Variants in PEBP4 observed in about 807,000 individuals in gnomAD.
PEBP4 encodes the protein phosphatidylethanolamine binding protein 4, also known as phosphatidylethanolamine-binding protein 4.
In PEBP4, 22 loss-of-function variants were observed where a neutral mutation model predicts 23.9. That is an observed-to-expected ratio of 0.92 (90% CI 0.66 to 1.31). PEBP4 has a LOEUF of 1.31. PEBP4 is among the 40% of genes most tolerant of loss of function. The probability of loss-of-function intolerance (pLI) is 0.00; values close to 1 mark genes in which losing one functional copy is unlikely to be tolerated. For synonymous variants in PEBP4, 112 were observed against 99.3 expected, an observed-to-expected ratio of 1.13 and a Z score of -0.76; for missense variants, 324 against 281.7, an observed-to-expected ratio of 1.15 and a Z score of -1.07.
chr8:22,840,801 T>C (rs1348405165), intron 3 of PEBP4, among the ~76,000 whole-genome samples: 1 of 152,206 alleles, frequency 6.6e-6, no homozygotes, highest in Non-Finnish European at 1.5e-5. Context: ...TGGCTCTTAG[T>C]GTCCTCTGCT....
chr8:22,888,761 C>T (rs1490199548), intron 3 of PEBP4, among the ~76,000 whole-genome samples: 2 of 152,218 alleles, frequency 1.3e-5, no homozygotes, highest in Non-Finnish European at 2.9e-5. Flanking sequence ...CCACCAGGCC[C>T]TTGTGCCCAG....
chr8:22,803,293 G>A (rs976053770), intron 4 of PEBP4, among the ~76,000 whole-genome samples: 1 of 152,110 alleles, frequency 6.6e-6, no homozygotes, highest in South Asian at 2.1e-4. Flanking sequence ...CAAATATCAC[G>A]TTCGTATCCC....
chr8:22,822,466 G>A (rs925831149), intron 3 of PEBP4, among the ~76,000 whole-genome samples: 5 of 151,940 alleles, frequency 3.3e-5, no homozygotes, highest in Non-Finnish European at 7.4e-5. Flanking sequence ...AAGAAACAAA[G>A]TGTAAACATG....
intron 4 of PEBP4, among the ~76,000 whole-genome samples, chr8:22,728,542 T>A (rs1204420674): frequency 9.3e-6 from 1 of 107,590 alleles, no homozygotes; most frequent in Non-Finnish European, 2.1e-5. Context: ...CTTTCTTCCT[T>A]CCTTTCTTTC....
At chr8:22,767,794 G>A (rs913993150) in intron 4 of PEBP4, among the ~76,000 whole-genome samples, 6 of 152,040 alleles carry the variant, frequency 3.9e-5, no homozygotes, top group African/African-American at 1.5e-4. Context: ...TGGCTCTGTT[G>A]CCCACGCTGG....
intron 3 of PEBP4, among the ~76,000 whole-genome samples, chr8:22,881,700 A>T (rs2128772460): frequency 6.6e-6 from 1 of 152,254 alleles, no homozygotes; most frequent in Non-Finnish European, 1.5e-5. Context: ...TGCTGCCTGG[A>T]TCACACTCAA....
chr8:22,719,160 T>C (rs939987489), intron 6 of PEBP4, among the ~76,000 whole-genome samples: 1 of 152,218 alleles, frequency 6.6e-6, no homozygotes, highest in Admixed American at 6.5e-5. Context: ...TATGGCTGCC[T>C]GGCCCAGGAC....
chr8:22,917,884 CT>C (rs1349773538), intron 3 of PEBP4, among the ~76,000 whole-genome samples: 3 of 152,160 alleles, frequency 2.0e-5, no homozygotes, highest in Non-Finnish European at 4.4e-5. Context: ...TTGGGGCCAT[CT>C]TTGTCACAAG....
chr8:22,909,166 C>T (rs1477509708), intron 3 of PEBP4, among the ~76,000 whole-genome samples: 2 of 152,162 alleles, frequency 1.3e-5, no homozygotes, highest in African/African-American at 4.8e-5. Context: ...ACCTATCTCC[C>T]CCTGGTGTCG....
chr8:22,924,692 G>C (rs913429155), intron 2 of PEBP4: 2 of 985,240 alleles, frequency 2.0e-6, no homozygotes, highest in African/African-American at 1.7e-5. Flanking sequence ...AGCTTGCAGG[G>C]CTGACTGGAT....
At chr8:22,766,863 C>T (rs575486816) in intron 4 of PEBP4, among the ~76,000 whole-genome samples, 6 of 152,184 alleles carry the variant, frequency 3.9e-5, no homozygotes, top group Non-Finnish European at 8.8e-5. Context: ...TGGAGGAAGC[C>T]GACTAAGCTG....
rs1202561470 is a variant in PEBP4 at position 22,865,856 on chromosome 8, G to T, written c.259-48121C>A. Among the ~76,000 whole-genome samples the T allele has an allele frequency of 3.9e-5, 6 of 152,276 alleles. No homozygotes were observed. ...GCTCGAACTCCCGACAAGACTGAGC[G>T]CAGGGCCCACCCCGGCTGTCCCAGC... On this transcript the variant is annotated intron_variant, in intron 3 of 6. Transcript: ENST00000256404. The surrounding 1 kb of genome is among the most constrained non-coding windows in gnomAD (Gnocchi z 6.9).
At chr8:22,875,080 C>A (rs1428194239) in intron 3 of PEBP4, among the ~76,000 whole-genome samples, 2 of 151,958 alleles carry the variant, frequency 1.3e-5, no homozygotes, top group Non-Finnish European at 2.9e-5. Flanking sequence ...CCTGACCATC[C>A]TTTTCCTTCG....
chr8:22,883,703 A>G (rs931719406), intron 3 of PEBP4, among the ~76,000 whole-genome samples: 3 of 152,154 alleles, frequency 2.0e-5, no homozygotes, highest in Non-Finnish European at 4.4e-5. Flanking sequence ...TTATAGGCTG[A>G]GTTGCTGCTC....
At chr8:22,924,825 G>T in intron 2 of PEBP4, 1 of 985,364 alleles carries the variant, frequency 1.0e-6, no homozygotes, top group Non-Finnish European at 1.2e-6. Flanking sequence ...TGCTGGTCTT[G>T]TCTGGGGTAT....
intron 4 of PEBP4, among the ~76,000 whole-genome samples, chr8:22,732,813 T>C (rs891216911): frequency 2.0e-5 from 3 of 152,148 alleles, no homozygotes; most frequent in Non-Finnish European, 2.9e-5. Flanking sequence ...TGGAGGTGCT[T>C]CTGGGTTCCT....
intron 4 of PEBP4, among the ~76,000 whole-genome samples, chr8:22,744,027 G>A (rs1389410712): frequency 3.3e-5 from 5 of 152,208 alleles, no homozygotes; most frequent in Non-Finnish European, 7.4e-5. Context: ...GACCTGCTGT[G>A]CAGGGAGTAT....
intron 4 of PEBP4, among the ~76,000 whole-genome samples, chr8:22,798,856 G>T (rs1806324613): frequency 6.8e-6 from 1 of 146,216 alleles, no homozygotes; most frequent in Non-Finnish European, 1.5e-5. Context: ...TCCTGCCTCA[G>T]CCTTCCATGT....
At chr8:22,796,965 A>C (rs555736473) in intron 4 of PEBP4, among the ~76,000 whole-genome samples, 8 of 152,106 alleles carry the variant, frequency 5.3e-5, no homozygotes, top group East Asian at 1.9e-4. Flanking sequence ...AAAAAAAAAA[A>C]AACAAATTGG....
Sources: gnomAD v4.1 joint callset for allele counts (sites outside exome capture counted in the v4.1 genomes callset) on GRCh38, gnomAD v4.1.1 for gene constraint, Gnocchi (gnomAD v3.1) non-coding constraint, MANE v1.5 for transcripts, NCBI Gene and HGNC (gene_info 2026-07-23, HGNC 2026-07-21) for gene names.